The following TULP4 variants were observed in gnomAD, a reference collection of about 807,000 sequenced individuals.
TULP4 encodes the protein TUB like protein 4, also known as tubby-related protein 4.
In TULP4, 16 loss-of-function variants were observed where a neutral mutation model predicts 129.0. The ratio of observed to expected loss-of-function variants is 0.12; its 90% CI spans 0.08 to 0.19. The LOEUF (loss-of-function observed/expected upper bound fraction) is 0.19, where lower values mean the gene tolerates loss of function less well. Ranked by LOEUF, TULP4 falls within the 10% of genes least tolerant of loss-of-function variation. The pLI is 1.00. For synonymous variants in TULP4, 998 were observed against 854.0 expected, an observed-to-expected ratio of 1.17 and a Z score of -2.94; for missense variants, 1,842 against 2,059.1, an observed-to-expected ratio of 0.89 and a Z score of 2.04.
chr6:158,507,047 C>A lies in TULP4; in HGVS notation c.*353C>A, dbSNP rs571483505. ...CCTTAGAGCCTGCTATTCTTTTAGA[C>A]ATAGGGAGGATGCATTATCCTGTAT... On this transcript the variant is annotated 3_prime_UTR_variant, in exon 14 of 14. Coordinates refer to ENST00000367097, the MANE Select transcript of TULP4 (RefSeq NM_020245.5). 2.7e-4 allele frequency: 64 copies of A among 238,838 alleles called. No individual in the cohort carries two copies. The highest frequency in any genetic ancestry group is 1.4e-3 in the African/African-American group (61 of 43,408). The allele number at this position is 238,838 out of a possible 1,614,324, so 14.8% of individuals were successfully genotyped here. A position where few individuals can be genotyped will look rare whatever the true frequency, so the allele number is the denominator to read the frequency against.
chr6:158,314,237 T>A lies in TULP4; in HGVS notation c.221T>A (p.Ile74Lys), dbSNP rs1204210257. ...CRRDRSTPQR[I>K]NFNLRGHNSE... ...AGGGACAGGAGTACTCCACAGAGGATAAATTTCAACCTCCGGGGCCACAAT... is the reference window on the plus strand; with the variant it reads ...AGGGACAGGAGTACTCCACAGAGGAAAAATTTCAACCTCCGGGGCCACAAT... The change falls in exon 1 of 14, where the codon ATA (isoleucine) becomes AAA (lysine). Residue 74 changes from isoleucine to lysine, a missense_variant. By Grantham distance (102) the Ile-to-Lys change is moderately radical. Around this residue, in one of 5 missense-constraint regions of TULP4, gnomAD observed 151 missense variants for 268.7 expected, o/e 0.56. Coordinates refer to ENST00000367097, the MANE Select transcript of TULP4 (RefSeq NM_020245.5). 6.2e-7 allele frequency: 1 copy of A among 1,613,954 alleles called. No homozygotes were observed. The highest frequency in any genetic ancestry group is 8.5e-7 in the Non-Finnish European group (1 of 1,179,974).
intron 1 of TULP4, among the ~76,000 whole-genome samples, chr6:158,332,928 TAC>T (rs960265430): frequency 3.9e-5 from 6 of 152,062 alleles, no homozygotes; most frequent in South Asian, 4.2e-4. Flanking sequence ...TAAACTGACA[TAC>T]ACACACACGT....
intron 2 of TULP4, among the ~76,000 whole-genome samples, chr6:158,428,669 G>A (rs1374620387): frequency 6.6e-6 from 1 of 151,820 alleles, no homozygotes; most frequent in African/African-American, 2.4e-5. Context: ...CAAGACTGAG[G>A]GGCAATATAA....
At chr6:158,445,339 T>A (rs1000537266) in intron 3 of TULP4, among the ~76,000 whole-genome samples, 5 of 152,214 alleles carry the variant, frequency 3.3e-5, no homozygotes, top group African/African-American at 1.2e-4. Flanking sequence ...TGTACATGAT[T>A]CATCCTTGAA....
intron 1 of TULP4, among the ~76,000 whole-genome samples, chr6:158,299,553 G>A (rs1453715004): frequency 6.6e-6 from 1 of 152,160 alleles, no homozygotes; most frequent in South Asian, 2.1e-4. Context: ...CTCTCCAGAA[G>A]GTAAGCAGCC....
chr6:158,302,735 C>T (rs1250546245), intron 1 of TULP4, among the ~76,000 whole-genome samples: 1 of 152,062 alleles, frequency 6.6e-6, no homozygotes, highest in Non-Finnish European at 1.5e-5. Flanking sequence ...TGGACCGAGA[C>T]CGAGTCCGGG....
rs558741305 is a variant in TULP4 at position 158,492,008 on chromosome 6, G to A, written c.1632-1565G>A. Among the ~76,000 whole-genome samples the A allele has an allele frequency of 1.3e-4, 20 of 151,736 alleles. No homozygotes were observed. The South Asian group carries it at 1.7e-3, about 13-fold the overall frequency. ...TGAGTAGCTGGGACTATAGGCAAGC[G>A]CCACCACGCCCGGCTAATTTTTGTA... On this transcript the variant is annotated intron_variant, in intron 9 of 13. Coordinates refer to ENST00000367097, the MANE Select transcript of TULP4 (RefSeq NM_020245.5).
At chr6:158,382,076 G>A (rs1170729860) in intron 1 of TULP4, among the ~76,000 whole-genome samples, 1 of 152,182 alleles carries the variant, frequency 6.6e-6, no homozygotes, top group Non-Finnish European at 1.5e-5. Flanking sequence ...GTATGGGGAG[G>A]AGGTAGGTGC....
chr6:158,481,865 C>T (rs138671529), intron 8 of TULP4, among the ~76,000 whole-genome samples: 10 of 152,150 alleles, frequency 6.6e-5, no homozygotes, highest in Non-Finnish European at 1.5e-4. Flanking sequence ...TCAAGATGCT[C>T]CCTGCACATC....
chr6:158,286,731 T>C (rs1778841692), intron 1 of TULP4, among the ~76,000 whole-genome samples: 1 of 152,248 alleles, frequency 6.6e-6, no homozygotes, highest in Admixed American at 6.5e-5. Flanking sequence ...TTAATTATGC[T>C]CTATGGGTTT....
At position 158,503,115 on chromosome 6, in the gene TULP4, C is replaced by G. The variant is rs780646098; in HGVS notation, c.3452C>G (p.Ser1151Cys). The G allele has an allele frequency of 6.2e-7, 1 of 1,614,102 alleles. No homozygotes were observed. The highest frequency in any genetic ancestry group is 8.5e-7 in the Non-Finnish European group (1 of 1,179,982). Reference sequence around the variant, plus strand: ...TCAGGGCCCAACCCCTTAAAACTGTCCTCTCTGATGCTGAGTCAGGGCCAG... The same window carrying G: ...TCAGGGCCCAACCCCTTAAAACTGTGCTCTCTGATGCTGAGTCAGGGCCAG... Reference protein sequence around the residue: ...QTSGPNPLKLSSLMLSQGQHL... With the variant: ...QTSGPNPLKLCSLMLSQGQHL... Residue 1151 changes from serine (S) to cysteine (C), a missense_variant, in exon 13 of 14, where the codon TCC becomes TGC. Transcript: ENST00000367097. The surrounding 1 kb of genome is among the most constrained non-coding windows in gnomAD (Gnocchi z 4.3).
At chr6:158,405,707 G>A (rs1245417894) in intron 1 of TULP4, among the ~76,000 whole-genome samples, 3 of 152,030 alleles carry the variant, frequency 2.0e-5, no homozygotes, top group South Asian at 4.1e-4. Context: ...ATTATGGTGC[G>A]TCAGGGTAGC....
chr6:158,486,216 G>A (rs1780061577), intron 8 of TULP4, among the ~76,000 whole-genome samples: 1 of 152,070 alleles, frequency 6.6e-6, no homozygotes. Context: ...GACTTACAGG[G>A]GGGAGTTAAA....
At chr6:158,271,277 A>G (rs573747308) in intron 1 of TULP4, among the ~76,000 whole-genome samples, 34 of 152,162 alleles carry the variant, frequency 2.2e-4, no homozygotes, top group Middle Eastern at 3.4e-3. Flanking sequence ...TGAAGAAAGC[A>G]TTTAAAGGCC....
chr6:158,368,592 C>G (rs1195663665), intron 1 of TULP4, among the ~76,000 whole-genome samples: 1 of 152,178 alleles, frequency 6.6e-6, no homozygotes, highest in East Asian at 1.9e-4. Flanking sequence ...TTAAACCCCT[C>G]TGTTGGAGCT....
chr6:158,328,079 G>GGTGTGTGTGTGTGTGTGTGTGTGT (rs766393090), intron 1 of TULP4, among the ~76,000 whole-genome samples: 2 of 120,582 alleles, frequency 1.7e-5, no homozygotes, highest in East Asian at 6.0e-4. Context: ...TCTCAGAGCT[G>GGTGTGTGTGTGTGTGTGTGTGTGT]GTGTGTGTGT....
At chr6:158,457,635 C>A (rs1779322392) in intron 5 of TULP4, among the ~76,000 whole-genome samples, 1 of 152,190 alleles carries the variant, frequency 6.6e-6, no homozygotes, top group Non-Finnish European at 1.5e-5. Context: ...CAGTTCATCC[C>A]TCAGTGGCAA....
At chr6:158,402,431 GAT>G (rs1680626893) in intron 1 of TULP4, among the ~76,000 whole-genome samples, 4 of 152,238 alleles carry the variant, frequency 2.6e-5, no homozygotes, top group South Asian at 4.1e-4. Flanking sequence ...TCAATTGGGA[GAT>G]AGTGTTGACT....
At chr6:158,314,851 C>T (rs1335511675) in intron 1 of TULP4, among the ~76,000 whole-genome samples, 1 of 152,162 alleles carries the variant, frequency 6.6e-6, no homozygotes, top group Non-Finnish European at 1.5e-5. Flanking sequence ...GCTATTATGC[C>T]ATATATTTGT....
Sources: gnomAD v4.1 joint callset for allele counts (sites outside exome capture counted in the v4.1 genomes callset) on GRCh38, gnomAD v4.1.1 for gene constraint, gnomAD v4.1.1 regional missense constraint, Gnocchi (gnomAD v3.1) non-coding constraint, MANE v1.5 for transcripts, NCBI Gene and HGNC (gene_info 2026-07-23, HGNC 2026-07-21) for gene names.